PCDH15: variants seen among roughly 807,000 people sequenced by gnomAD.
PCDH15 encodes the protein protocadherin related 15, also known as protocadherin-15.
A neutral mutation model predicts 178.5 loss-of-function variants in PCDH15; 129 were observed. The observed-to-expected ratio is 0.72, with a 90% confidence interval of 0.63 to 0.84. The LOEUF (loss-of-function observed/expected upper bound fraction) is 0.84, where lower values mean the gene tolerates loss of function less well. PCDH15 is among the 40% of genes least tolerant of loss of function. The probability of loss-of-function intolerance (pLI) is 0.00; values close to 1 mark genes in which losing one functional copy is unlikely to be tolerated. For synonymous variants in PCDH15, 800 were observed against 732.0 expected, an observed-to-expected ratio of 1.09 and a Z score of -1.50; for missense variants, 2,230 against 2,099.9, an observed-to-expected ratio of 1.06 and a Z score of -1.21.
chr10:55,062,800 G>T (rs566514548), intron 2 of PCDH15, among the ~76,000 whole-genome samples: 1 of 152,052 alleles, frequency 6.6e-6, no homozygotes, highest in Non-Finnish European at 1.5e-5. Flanking sequence ...CTCTAGTGGA[G>T]GATATTGGTA....
chr10:53,960,401 T>TA (rs1171821283), intron 22 of PCDH15, among the ~76,000 whole-genome samples: 2 of 152,320 alleles, frequency 1.3e-5, no homozygotes, highest in Admixed American at 1.3e-4. Flanking sequence ...TACTATCTCT[T>TA]AAAAACAAAT....
At chr10:54,952,254 T>C (rs1436841497) in intron 2 of PCDH15, among the ~76,000 whole-genome samples, 2 of 151,888 alleles carry the variant, frequency 1.3e-5, no homozygotes, top group Non-Finnish European at 2.9e-5. Context: ...CACTGTTTGT[T>C]CAAAAGCTAT....
chr10:54,896,869 A>G (rs1020559318), intron 3 of PCDH15, among the ~76,000 whole-genome samples: 2 of 152,214 alleles, frequency 1.3e-5, no homozygotes, highest in African/African-American at 4.8e-5. Flanking sequence ...ATCTCAGGTA[A>G]TAAGTTAATT....
chr10:54,301,431 T>C (rs2060143912), intron 8 of PCDH15, among the ~76,000 whole-genome samples: 1 of 152,224 alleles, frequency 6.6e-6, no homozygotes, highest in African/African-American at 2.4e-5. Context: ...TCCATTGTAC[T>C]AAGTTTGTTT....
At chr10:54,726,798 A>AAG (rs148593909) in intron 1 of PCDH15, among the ~76,000 whole-genome samples, 18,130 of 150,780 alleles carry the variant, frequency 0.12, 1,208 homozygotes, top group African/African-American at 0.17. Flanking sequence ...AAGCTGAAGA[A>AAG]AATCTCAGAG....
intron 2 of PCDH15, among the ~76,000 whole-genome samples, chr10:55,057,293 C>T (rs1337860880): frequency 1.3e-5 from 2 of 151,904 alleles, no homozygotes; most frequent in East Asian, 3.9e-4. Flanking sequence ...TTTTGGTATT[C>T]CATGCAATTG....
intron 35 of PCDH15, among the ~76,000 whole-genome samples, chr10:53,812,788 G>T: frequency 6.6e-6 from 1 of 152,052 alleles, no homozygotes; most frequent in East Asian, 1.9e-4. Flanking sequence ...GAGAAGAGAG[G>T]GGGGAAAAGG....
chr10:54,733,565 A>G (rs1443246583), intron 1 of PCDH15, among the ~76,000 whole-genome samples: 1 of 151,640 alleles, frequency 6.6e-6, no homozygotes, highest in Non-Finnish European at 1.5e-5. Flanking sequence ...TTTCCAATTG[A>G]ATTCTTAGCA....
intron 2 of PCDH15, among the ~76,000 whole-genome samples, chr10:55,422,218 A>G (rs1838638517): frequency 6.6e-6 from 1 of 151,886 alleles, no homozygotes; most frequent in African/African-American, 2.4e-5. Context: ...CCTATAAAGT[A>G]GATATTCATT....
chr10:53,806,398 A>G lies in PCDH15; in HGVS notation c.*181T>C. 1 of 552,468 alleles carries G rather than the reference A, an allele frequency of 1.8e-6. No individual in the cohort carries two copies. Among genetic ancestry groups the G allele is most frequent in the Non-Finnish European group, 3.1e-6 (1 of 323,486 alleles). 34.2% of individuals were successfully genotyped at this position (552,468 alleles called of 1,614,324 possible). A position where few individuals can be genotyped will look rare whatever the true frequency, so the allele number is the denominator to read the frequency against. ...TGTCCAAAAGGATTTTCTGGGAAAA[A>G]CGATTAATTGATAACAATGTGAGTG... is the stretch of plus-strand genomic sequence containing the variant. On this transcript the variant is annotated 3_prime_UTR_variant, in exon 38 of 38. Coordinates refer to ENST00000644397, the MANE Select transcript of PCDH15 (RefSeq NM_001384140.1).
intron 1 of PCDH15, among the ~76,000 whole-genome samples, chr10:55,210,690 G>A (rs2996488): frequency 6.8e-4 from 91 of 132,990 alleles, no homozygotes; most frequent in Admixed American, 2.9e-3. Context: ...GTGTAGTGGC[G>A]CGATCTCGGC....
intron 2 of PCDH15, among the ~76,000 whole-genome samples, chr10:55,526,274 T>G (rs1024069302): frequency 2.6e-5 from 4 of 151,998 alleles, no homozygotes; most frequent in Non-Finnish European, 4.4e-5. Context: ...AAAAGTATCA[T>G]TATTCTGAAG....
At chr10:55,581,935 G>T (rs553946121) in intron 2 of PCDH15, among the ~76,000 whole-genome samples, 25 of 152,150 alleles carry the variant, frequency 1.6e-4, no homozygotes, top group African/African-American at 5.3e-4. Flanking sequence ...TGCAACTTCC[G>T]ACTCCTGGGT....
intron 2 of PCDH15, among the ~76,000 whole-genome samples, chr10:55,545,286 T>TC (rs1841855190): frequency 6.6e-6 from 1 of 151,402 alleles, no homozygotes; most frequent in Non-Finnish European, 1.5e-5. Flanking sequence ...TTTTTTTTTT[T>TC]AGATGGAGTC....
Position 54,421,820 on chromosome 10 carries a change from A to ATATATATATATATATACACACACAC in PCDH15, c.158-42879_158-42878insGTGTGTGTGTATATATATATATATA, listed in dbSNP as rs1184080505. Among the ~76,000 whole-genome samples the ATATATATATATATATACACACACAC allele has an allele frequency of 3.3e-3, 352 of 106,082 alleles. 2 individuals carry two copies. The highest frequency in any genetic ancestry group is 7.5e-3 in the East Asian group (35 of 4,658). 69.6% of individuals were successfully genotyped at this position (106,082 alleles called of 152,430 possible). On this transcript the variant is annotated intron_variant, in intron 3 of 37. Transcript: ENST00000644397. The stretch of plus-strand genomic sequence containing the variant: ...ATAGGTACATGTGTAGTGTGTGTAT[A>ATATATATATATATATACACACACAC]TATATATATATATATATACACACAC...
intron 1 of PCDH15, among the ~76,000 whole-genome samples, chr10:55,230,337 A>G (rs1262956244): frequency 6.6e-6 from 1 of 152,090 alleles, no homozygotes; most frequent in African/African-American, 2.4e-5. Context: ...TACATATATT[A>G]ACACAAAATC....
At chr10:54,822,874 A>G (rs913139740) in intron 3 of PCDH15, among the ~76,000 whole-genome samples, 1 of 151,750 alleles carries the variant, frequency 6.6e-6, no homozygotes, top group African/African-American at 2.4e-5. Flanking sequence ...GCATTTTAAT[A>G]TAATATATTT....
At chr10:53,991,319 A>G (rs1246564059) in intron 21 of PCDH15, among the ~76,000 whole-genome samples, 1 of 152,132 alleles carries the variant, frequency 6.6e-6, no homozygotes, top group Non-Finnish European at 1.5e-5. Flanking sequence ...TAGCTGGAGG[A>G]TTGTACATGC....
chr10:54,369,234 GCA>G lies in PCDH15; in HGVS notation c.358_359del (p.Cys120HisfsTer12), dbSNP rs1057517264. 3.1e-6 allele frequency: 5 copies of G among 1,612,586 alleles called. No individual in the cohort carries two copies. The African/African-American group carries it at 4.0e-5, about 13-fold the overall frequency. ...TAATAGTGCCCACTTTTTTGTTGAT[GCA>G]CTGGACCTGCACCACAATGGAGTGT... The part of the protein sequence containing the change: ...NIHSIVVQVQ[C>X]INKKVGTIIY... On this transcript the variant is annotated frameshift_variant, in exon 5 of 38. Transcript: ENST00000644397. LOFTEE classifies it high-confidence loss of function.
Sources: allele counts gnomAD v4.1 joint callset (sites outside exome capture counted in the v4.1 genomes callset), GRCh38; gene constraint gnomAD v4.1.1; transcripts MANE v1.5; gene names NCBI Gene and HGNC (gene_info 2026-07-23, HGNC 2026-07-21).